The following S100PBP variants were observed in gnomAD, a reference collection of about 807,000 sequenced individuals.
S100PBP encodes S100P-binding protein.
S100PBP carries 15 observed loss-of-function variants against 39.9 expected under a neutral mutation model. The ratio of observed to expected loss-of-function variants is 0.38; its 90% CI spans 0.25 to 0.58. The LOEUF (loss-of-function observed/expected upper bound fraction) is 0.58. Among genes scored for constraint, S100PBP ranks in the 20% least tolerant of loss-of-function variants. The pLI, the probability that S100PBP is intolerant of heterozygous loss-of-function variation, is 0.70. For synonymous variants in S100PBP, 178 were observed against 180.3 expected, an observed-to-expected ratio of 0.99 and a Z score of 0.10; for missense variants, 504 against 487.3, an observed-to-expected ratio of 1.03 and a Z score of -0.32.
rs765025058 is a variant in S100PBP, at chr1:32,830,073, A to G, written c.1024+6A>G. On this transcript the variant is annotated splice_donor_region_variant and intron_variant, in intron 5 of 6. Coordinates refer to ENST00000373475, the MANE Select transcript of S100PBP (RefSeq NM_022753.4). ...CCCAGAGGACACTAACCAAGGTAACATGGTACCCAGAGAAAGGCATATAAA... is the reference window on the plus strand; with the variant it reads ...CCCAGAGGACACTAACCAAGGTAACGTGGTACCCAGAGAAAGGCATATAAA... 3.9e-6 allele frequency: 6 copies of G among 1,554,418 alleles called. No individual in the cohort carries two copies. Among genetic ancestry groups the G allele is most frequent in the African/African-American group, 1.4e-5 (1 of 73,632 alleles).
rs1380711266 is a variant in S100PBP, at chr1:32,851,689, A to G, written c.1025-1390A>G. On this transcript the variant is annotated intron_variant, in intron 5 of 6. Transcript: ENST00000373475. ...TCCCACCCCACTACCCACAAAAAAA[A>G]GAAAAAAAAAGTGTTTCTTAGACCA... 7.2e-5 allele frequency among the ~76,000 whole-genome samples: 11 copies of G among 152,182 alleles called. No homozygotes were observed. The East Asian group carries it at 2.1e-3, about 29-fold the overall frequency.
intron 5 of S100PBP, among the ~76,000 whole-genome samples, chr1:32,850,838 G>A (rs1189130287): frequency 6.6e-6 from 1 of 152,150 alleles, no homozygotes; most frequent in Non-Finnish European, 1.5e-5. Flanking sequence ...GCCATAAAAT[G>A]TCATAGTTTA....
intron 5 of S100PBP, among the ~76,000 whole-genome samples, chr1:32,842,229 A>ATG (rs1640144267): frequency 1.2e-5 from 1 of 81,940 alleles, no homozygotes; most frequent in Non-Finnish European, 2.2e-5. Context: ...ATGTATATAT[A>ATG]TATATATACA....
intron 5 of S100PBP, among the ~76,000 whole-genome samples, chr1:32,838,290 C>A (rs911787350): frequency 6.1e-5 from 9 of 146,498 alleles, no homozygotes; most frequent in Non-Finnish European, 8.9e-5. Flanking sequence ...GCCGAGATAG[C>A]GCCACTGCAG....
At chr1:32,822,702 C>T (rs544062581) in intron 1 of S100PBP, among the ~76,000 whole-genome samples, 2 of 151,498 alleles carry the variant, frequency 1.3e-5, no homozygotes, top group South Asian at 2.1e-4. Context: ...ATCTCCTCCT[C>T]TCTATATATA....
chr1:32,828,856 C>G (rs1639461567), intron 4 of S100PBP, among the ~76,000 whole-genome samples: 1 of 151,964 alleles, frequency 6.6e-6, no homozygotes, highest in African/African-American at 2.4e-5. Flanking sequence ...CAAAAAAATA[C>G]CCAGGTGTGG....
Position 32,826,288 on chromosome 1 carries a change from G to A in S100PBP, c.189G>A (p.Lys63=), listed in dbSNP as rs766395960. ...YTEEEIDALL[K]EDDPSYEQSS... The stretch of plus-strand genomic sequence containing the variant: ...AGGAAGAGATTGATGCACTGTTGAA[G>A]GAAGATGACCCATCATATGAGCAGT... The change falls in exon 3 of 7, where the codon AAG becomes AAA. Residue 63 remains lysine (K), a synonymous_variant. Coordinates refer to ENST00000373475, the MANE Select transcript of S100PBP (RefSeq NM_022753.4). 3.0e-5 allele frequency: 48 copies of A among 1,614,066 alleles called. No individual in the cohort carries two copies. Among genetic ancestry groups the A allele is most frequent in the Non-Finnish European group, 3.6e-5 (43 of 1,180,030 alleles).
rs778493823 is a variant in S100PBP, at chr1:32,826,609, T to C, written c.510T>C (p.Asp170=). The C allele has an allele frequency of 6.2e-7, 1 of 1,614,012 alleles. No individual in the cohort carries two copies. The highest frequency in any genetic ancestry group is 1.1e-5 in the South Asian group (1 of 91,080). Residue 170 remains aspartate, a synonymous_variant, in exon 3 of 7, where the codon GAT becomes GAC. Coordinates refer to ENST00000373475, the MANE Select transcript of S100PBP (RefSeq NM_022753.4). ...AGGACGAGACTGATTCGTCCAAAGA[T>C]ACTGAAAAACTCTCTTCCCTTGGAG... is the stretch of plus-strand genomic sequence containing the variant. ...LDKDETDSSK[D]TEKLSSLGEE... is the part of the protein sequence containing the mutation.
rs1569972774 is a variant in S100PBP at position 32,857,312 on chromosome 1, TTCTC to T, written c.*1278_*1281del. ...TAATGGATGTCTTAGGAGTTGGTTA[TTCTC>T]TCTTTTTTTTTTGAGACGGAGTTTC... On this transcript the variant is annotated 3_prime_UTR_variant, in exon 7 of 7. Coordinates refer to ENST00000373475, the MANE Select transcript of S100PBP (RefSeq NM_022753.4). The T allele has an allele frequency of 1.1e-5, 1 of 92,984 alleles. No individual in the cohort carries two copies. Among genetic ancestry groups the T allele is most frequent in the African/African-American group, 3.4e-5 (1 of 29,270 alleles). 5.8% of individuals were successfully genotyped at this position (92,984 alleles called of 1,614,324 possible).
intron 5 of S100PBP, among the ~76,000 whole-genome samples, chr1:32,844,129 T>A (rs1640245579): frequency 6.6e-6 from 1 of 152,136 alleles, no homozygotes; most frequent in Admixed American, 6.5e-5. Context: ...TTGGCCAGGC[T>A]GGTCTTGAAC....
At chr1:32,824,205 C>CAA (rs35200829) in intron 1 of S100PBP, among the ~76,000 whole-genome samples, 73 of 129,426 alleles carry the variant, frequency 5.6e-4, no homozygotes, top group South Asian at 7.3e-4. Context: ...GACTCCGTCT[C>CAA]AAAAAAAAAA....
chr1:32,851,954 C>A (rs1211226806), intron 5 of S100PBP, among the ~76,000 whole-genome samples: 1 of 152,162 alleles, frequency 6.6e-6, no homozygotes, highest in East Asian at 1.9e-4. Flanking sequence ...AAGTCTCAAT[C>A]GTTGAGTGCA....
At chr1:32,844,496 A>G (rs1392558665) in intron 5 of S100PBP, among the ~76,000 whole-genome samples, 3 of 152,134 alleles carry the variant, frequency 2.0e-5, no homozygotes, top group African/African-American at 7.2e-5. Context: ...AATTTTTATG[A>G]GATGGGGTCT....
At position 32,826,004 on chromosome 1, in the gene S100PBP, T is replaced by C; in HGVS notation, c.-2-94T>C. On this transcript the variant is annotated intron_variant, in intron 2 of 6. Coordinates refer to ENST00000373475, the MANE Select transcript of S100PBP (RefSeq NM_022753.4). ...ATGCTACAAGTCACAGTGCAAAGAT[T>C]TTGAAATACTAGAACATTACCCACA... 3 of 869,404 alleles carry C rather than the reference T, an allele frequency of 3.5e-6. No homozygotes were observed. The South Asian group carries it at 5.2e-5, about 15-fold the overall frequency. 53.9% of individuals were successfully genotyped at this position (869,404 alleles called of 1,614,324 possible). A position where few individuals can be genotyped will look rare whatever the true frequency, so the allele number is the denominator to read the frequency against.
chr1:32,829,828 C>A, intron 4 of S100PBP, 136 bp from the exon 5 acceptor site: 1 of 636,108 alleles, frequency 1.6e-6, no homozygotes, highest in South Asian at 1.9e-5. Context: ...CTGTCCTCTG[C>A]CTCTCGATCA....
chr1:32,825,078 TAAG>T (rs1178330681), intron 1 of S100PBP: 1 of 152,124 alleles, frequency 6.6e-6, no homozygotes, highest in African/African-American at 2.4e-5. Context: ...ATGATAGTCT[TAAG>T]AAAGTACAAA....
chr1:32,842,201 AAACAT>A (rs1236339269), intron 5 of S100PBP, among the ~76,000 whole-genome samples: 3 of 99,200 alleles, frequency 3.0e-5, no homozygotes, highest in African/African-American at 8.1e-5. Flanking sequence ...AAAAAAAAAA[AAACAT>A]ATATATATAT....
intron 1 of S100PBP, among the ~76,000 whole-genome samples, chr1:32,823,963 C>T (rs571113331): frequency 9.1e-4 from 139 of 152,310 alleles, no homozygotes; most frequent in African/African-American, 3.2e-3. Context: ...CTTTGGGAGG[C>T]CGAGGCAGGC....
At chr1:32,839,739 G>T (rs1640003034) in intron 5 of S100PBP, among the ~76,000 whole-genome samples, 1 of 151,878 alleles carries the variant, frequency 6.6e-6, no homozygotes, top group Admixed American at 6.6e-5. Context: ...TGAACTCCTG[G>T]GCTCAAACTA....
Sources: gnomAD v4.1 joint callset for allele counts (sites outside exome capture counted in the v4.1 genomes callset) on GRCh38, gnomAD v4.1.1 for gene constraint, MANE v1.5 for transcripts, NCBI Gene and HGNC (gene_info 2026-07-23, HGNC 2026-07-21) for gene names.